Variants in MEOX2 observed in about 807,000 individuals in gnomAD.
The protein encoded by MEOX2 is mesenchyme homeobox 2.
MEOX2 carries 11 observed loss-of-function variants against 27.0 expected under a neutral mutation model. The observed-to-expected ratio is 0.41, with a 90% CI of 0.26 to 0.68. The LOEUF (loss-of-function observed/expected upper bound fraction) is 0.68, where lower values mean the gene tolerates loss of function less well. MEOX2 is among the 30% of genes least tolerant of loss of function. MEOX2 has a pLI of 0.33. For synonymous variants in MEOX2, 189 were observed against 155.4 expected, an observed-to-expected ratio of 1.22 and a Z score of -1.61; for missense variants, 436 against 385.4, an observed-to-expected ratio of 1.13 and a Z score of -1.10.
intron 1 of MEOX2, among the ~76,000 whole-genome samples, chr7:15,662,811 C>A (rs1173673879): frequency 6.6e-6 from 1 of 152,212 alleles, no homozygotes. Flanking sequence ...CCAAAAGATT[C>A]ATGACTGAAT....
rs188808273 is a variant in MEOX2, at chr7:15,646,370, T to A, written c.518-19452A>T. 1.4e-3 allele frequency among the ~76,000 whole-genome samples: 208 copies of A among 152,198 alleles called. 1 individual carries two copies. The highest frequency in any genetic ancestry group is 4.8e-3 in the African/African-American group (200 of 41,574). On this transcript the variant is annotated intron_variant, in intron 1 of 2. Coordinates refer to ENST00000262041, the MANE Select transcript of MEOX2 (RefSeq NM_005924.5). ...CTCAGTTGAAATGACATTGGCTTTC[T>A]ATTATTCTACTATCATCTCTCACAT...
At chr7:15,656,893 C>T (rs1475708266) in intron 1 of MEOX2, among the ~76,000 whole-genome samples, 1 of 151,598 alleles carries the variant, frequency 6.6e-6, no homozygotes, top group Non-Finnish European at 1.5e-5. Context: ...TAGGAAAATT[C>T]TCTTAGTCTT....
Position 15,626,858 on chromosome 7 carries a change from G to A in MEOX2, c.578C>T (p.Ala193Val). The A allele has an allele frequency of 6.2e-7, 1 of 1,611,870 alleles. No individual in the cohort carries two copies. The highest frequency in any genetic ancestry group is 8.5e-7 in the Non-Finnish European group (1 of 1,179,328). ...VNSKPRKERT[A>V]FTKEQIRELE... ...TTCTCTGATTTGCTCTTTGGTAAAT[G>A]CTGTCCTTTCTTTCCTGGGTTTGCT... The change falls in exon 2 of 3, where the codon GCA becomes GTA. Residue 193 changes from alanine (A) to valine (V), a missense_variant. By Grantham distance (64) the Ala-to-Val change is moderately conservative. Coordinates refer to ENST00000262041, the MANE Select transcript of MEOX2 (RefSeq NM_005924.5).
Position 15,686,033 on chromosome 7 carries a change from G to A in MEOX2, c.370C>T (p.Pro124Ser), listed in dbSNP as rs1300454099. 4 of 1,606,340 alleles carry A rather than the reference G, an allele frequency of 2.5e-6. No individual in the cohort carries two copies. Among genetic ancestry groups the A allele is most frequent in the Admixed American group, 3.3e-5 (2 of 59,728 alleles). ...GAAGAGTTGGAGCACAGGACGGGCG[G>A]GCTGCTCCCCAACTCTGGGGGCCCT... ...SGGPPELGSS[P>S]PVLCSNSSSL... is the part of the protein sequence containing the mutation. The change falls in exon 1 of 3, where the codon CCG (proline) becomes TCG (serine). Residue 124 changes from proline to serine, a missense_variant. Physicochemically the swap from Pro to Ser is moderately conservative, Grantham distance 74. Transcript: ENST00000262041.
intron 1 of MEOX2, among the ~76,000 whole-genome samples, chr7:15,646,633 G>C (rs145910903): frequency 5.9e-5 from 9 of 152,064 alleles, no homozygotes; most frequent in African/African-American, 1.7e-4. Context: ...TTAAAAGAAA[G>C]TACTTCAAGG....
intron 2 of MEOX2, among the ~76,000 whole-genome samples, chr7:15,617,320 G>C (rs942710586): frequency 1.3e-5 from 2 of 151,914 alleles, no homozygotes; most frequent in East Asian, 3.9e-4. Context: ...ATATCTTTGA[G>C]ATGTGAAAAC....
chr7:15,651,015 C>G (rs1177028137), intron 1 of MEOX2, among the ~76,000 whole-genome samples: 1 of 151,958 alleles, frequency 6.6e-6, no homozygotes, highest in African/African-American at 2.4e-5. Flanking sequence ...ACTGGGAACA[C>G]TTACTTTCTG....
chr7:15,630,700 C>G (rs1781387216), intron 1 of MEOX2, among the ~76,000 whole-genome samples: 1 of 151,926 alleles, frequency 6.6e-6, no homozygotes, highest in South Asian at 2.1e-4. Flanking sequence ...ATTAACAAAA[C>G]TGCACAAACC....
At chr7:15,616,110 C>G (rs960138270) in intron 2 of MEOX2, among the ~76,000 whole-genome samples, 15 of 151,618 alleles carry the variant, frequency 9.9e-5, no homozygotes, top group African/African-American at 3.6e-4. Context: ...CCAACAGTAG[C>G]TACATGTATA....
chr7:15,617,485 A>ATTAGAAGCAAGAATGC (rs1781141810), intron 2 of MEOX2, among the ~76,000 whole-genome samples: 1 of 152,098 alleles, frequency 6.6e-6, no homozygotes, highest in South Asian at 2.1e-4. Context: ...TAGTATTAGA[A>ATTAGAAGCAAGAATGC]TTAGAAGCAA....
intron 2 of MEOX2, among the ~76,000 whole-genome samples, chr7:15,615,816 G>C (rs1781115716): frequency 1.3e-5 from 2 of 151,942 alleles, no homozygotes; most frequent in African/African-American, 2.4e-5. Context: ...TTGTCACCAA[G>C]AGCTGAAACA....
chr7:15,613,535 T>G (rs1443621483), intron 2 of MEOX2, among the ~76,000 whole-genome samples: 2 of 152,042 alleles, frequency 1.3e-5, no homozygotes, highest in Non-Finnish European at 2.9e-5. Flanking sequence ...GCAAGCAAAG[T>G]GTTCTTTTTA....
chr7:15,620,935 C>G (rs184189171), intron 2 of MEOX2, among the ~76,000 whole-genome samples: 206 of 151,418 alleles, frequency 1.4e-3, no homozygotes, highest in Admixed American at 2.2e-3. Flanking sequence ...ATTTGGCAGC[C>G]TTAACTCTAT....
At chr7:15,631,324 A>T (rs1781398391) in intron 1 of MEOX2, among the ~76,000 whole-genome samples, 1 of 151,772 alleles carries the variant, frequency 6.6e-6, no homozygotes, top group Non-Finnish European at 1.5e-5. Flanking sequence ...CAATATCTTG[A>T]TTATTCTTGG....
chr7:15,614,362 G>C (rs1354591654), intron 2 of MEOX2, among the ~76,000 whole-genome samples: 1 of 151,950 alleles, frequency 6.6e-6, no homozygotes, highest in African/African-American at 2.4e-5. Flanking sequence ...TGCAGTCAGT[G>C]GTTGTTGCAC....
intron 2 of MEOX2, among the ~76,000 whole-genome samples, chr7:15,616,083 G>C (rs1038618294): frequency 3.3e-5 from 5 of 151,542 alleles, no homozygotes; most frequent in African/African-American, 1.2e-4. Flanking sequence ...ATTGAAAAAA[G>C]ACTGAATAGT....
At chr7:15,649,307 T>C (rs1273913129) in intron 1 of MEOX2, among the ~76,000 whole-genome samples, 1 of 152,060 alleles carries the variant, frequency 6.6e-6, no homozygotes, top group Non-Finnish European at 1.5e-5. Context: ...TTAAGGAGCT[T>C]ATAAAAATAG....
At chr7:15,615,652 C>A (rs1411680082) in intron 2 of MEOX2, among the ~76,000 whole-genome samples, 2 of 151,922 alleles carry the variant, frequency 1.3e-5, no homozygotes, top group African/African-American at 2.4e-5. Context: ...CTTTACTTCT[C>A]CATTTTGTGT....
At chr7:15,656,026 C>A (rs1781814109) in intron 1 of MEOX2, among the ~76,000 whole-genome samples, 1 of 151,666 alleles carries the variant, frequency 6.6e-6, no homozygotes, top group East Asian at 1.9e-4. Flanking sequence ...TATTTTGAAG[C>A]TCTGCTTTTG....
Sources: allele counts gnomAD v4.1 joint callset (sites outside exome capture counted in the v4.1 genomes callset), GRCh38; gene constraint gnomAD v4.1.1; transcripts MANE v1.5; gene names NCBI Gene and HGNC (gene_info 2026-07-23, HGNC 2026-07-21).